Variants in CEP120 observed in about 807,000 individuals in gnomAD.
The protein encoded by CEP120 is centrosomal protein 120, also known as centrosomal protein of 120 kDa.
CEP120 carries 113 observed loss-of-function variants against 126.5 expected under a neutral mutation model. That is an observed-to-expected ratio of 0.89 (90% CI 0.77 to 1.04). The LOEUF (loss-of-function observed/expected upper bound fraction) is 1.04, where lower values mean the gene tolerates loss of function less well. Ranked by LOEUF, CEP120 falls within the 50% of genes least tolerant of loss-of-function variation. The pLI is 0.00. For synonymous variants in CEP120, 400 were observed against 394.3 expected (o/e 1.01, Z -0.17); for missense variants, 1,230 against 1,155.7 (o/e 1.06, Z -0.93).
At chr5:123,361,512 T>C (rs1770073865) in intron 18 of CEP120, among the ~76,000 whole-genome samples, 1 of 151,860 alleles carries the variant, frequency 6.6e-6, no homozygotes, top group Non-Finnish European at 1.5e-5. Context: ...CATTCCTTTA[T>C]ACTCAAACTT....
At chr5:123,347,071 T>C (rs573823075) in intron 19 of CEP120, among the ~76,000 whole-genome samples, 1 of 152,312 alleles carries the variant, frequency 6.6e-6, no homozygotes, top group Non-Finnish European at 1.5e-5. Flanking sequence ...GTGATCCCAA[T>C]TTGAGTAATA....
chr5:123,391,015 T>A, intron 7 of CEP120, 95 bp downstream of exon 7: 1 of 815,244 alleles, frequency 1.2e-6, no homozygotes, highest in South Asian at 1.8e-5. Flanking sequence ...AATAAATATA[T>A]CCTTATGAAG....
rs1338530147 is a variant in CEP120 at position 123,377,478 on chromosome 5, G to T, written c.2254C>A (p.Gln752Lys). 2.5e-6 allele frequency: 4 copies of T among 1,603,174 alleles called. No individual in the cohort carries two copies. The highest frequency in any genetic ancestry group is 3.4e-6 in the Non-Finnish European group (4 of 1,177,518). ...SERQRNLQELQDSIRRAKEDC... is the reference protein window; with the variant it reads ...SERQRNLQELKDSIRRAKEDC... ...TCTTTGGCCCTACGGATAGAGTCCT[G>T]CAGTTCTTGCAGGTTCCGCTGACGT... Residue 752 changes from glutamine (Q) to lysine (K), a missense_variant, in exon 16 of 20, where the codon CAG becomes AAG. Gln to Lys is a moderately conservative substitution (Grantham distance 53, BLOSUM62 1). Transcript: ENST00000306467.
chr5:123,360,997 TA>T (rs375984057), intron 18 of CEP120, among the ~76,000 whole-genome samples: 43 of 150,628 alleles, frequency 2.9e-4, no homozygotes, highest in African/African-American at 9.7e-4. Flanking sequence ...TACTTCTCAA[TA>T]AAAAACATGT....
At chr5:123,388,379 G>T in intron 9 of CEP120, 53 bp downstream of exon 9, 1 of 1,272,150 alleles carries the variant, frequency 7.9e-7, no homozygotes, top group South Asian at 1.9e-5. Flanking sequence ...CCCAAACACA[G>T]GAAAGTCCTT....
At chr5:123,375,580 C>G (rs929918804) in intron 16 of CEP120, among the ~76,000 whole-genome samples, 1 of 124,938 alleles carries the variant, frequency 8.0e-6, no homozygotes, top group Non-Finnish European at 1.8e-5. Context: ...ACCTCAGCCT[C>G]CGAAAGTGTT....
At position 123,418,429 on chromosome 5, in the gene CEP120, G is replaced by A. The variant is rs750619101; in HGVS notation, c.136C>T (p.His46Tyr). 1.2e-6 allele frequency: 2 copies of A among 1,612,960 alleles called. No homozygotes were observed. The highest frequency in any genetic ancestry group is 1.7e-5 in the Admixed American group (1 of 59,990). ...GEQLATDPVD[H>Y]TDQPEFATEL... ...GTAGCAAATTCTGGCTGGTCAGTGT[G>A]GTCCACAGGATCAGTAGCCAACTGT... The change falls in exon 2 of 20, where the codon CAC becomes TAC. Residue 46 changes from histidine to tyrosine, a missense_variant. By Grantham distance (83) the His-to-Tyr change is moderately conservative. Coordinates refer to ENST00000306467, the MANE Select transcript of CEP120 (RefSeq NM_001375405.1).
chr5:123,412,571 ATAGT>A, intron 3 of CEP120, 31 bp from the exon 4 acceptor site: 1 of 1,519,850 alleles, frequency 6.6e-7, no homozygotes, highest in Non-Finnish European at 8.9e-7. Flanking sequence ...AAAACACCTA[ATAGT>A]TAATAAGGGA....
chr5:123,397,962 T>C lies in CEP120; in HGVS notation c.612+1174A>G, dbSNP rs918365091. On this transcript the variant is annotated intron_variant, in intron 5 of 19. Transcript: ENST00000306467. Reference sequence around the variant, plus strand: ...AGGTGGGTGTGGTGGCACATGCCTATAATCCCAGCTACTCAGGAGGCTGAG... The same window carrying C: ...AGGTGGGTGTGGTGGCACATGCCTACAATCCCAGCTACTCAGGAGGCTGAG... Among the ~76,000 whole-genome samples, 38 of 152,142 alleles carry C rather than the reference T, an allele frequency of 2.5e-4. 1 individual carries two copies. Among genetic ancestry groups the C allele is most frequent in the Admixed American group, 7.9e-4 (12 of 15,270 alleles).
chr5:123,374,323 T>G (rs1054244039), intron 16 of CEP120, among the ~76,000 whole-genome samples: 1 of 152,062 alleles, frequency 6.6e-6, no homozygotes, highest in Non-Finnish European at 1.5e-5. Context: ...AAAACTAACT[T>G]CAGACCTTTT....
At chr5:123,349,744 G>A (rs959169710) in intron 19 of CEP120, among the ~76,000 whole-genome samples, 200 bp downstream of exon 19, 3 of 152,046 alleles carry the variant, frequency 2.0e-5, no homozygotes, top group Non-Finnish European at 4.4e-5. Flanking sequence ...GGGCTCAAAC[G>A]ATCCTCCCAC....
At chr5:123,368,729 A>G (rs182016818) in intron 17 of CEP120, among the ~76,000 whole-genome samples, 2 of 151,998 alleles carry the variant, frequency 1.3e-5, no homozygotes, top group Admixed American at 1.3e-4. Context: ...TTTCCATAAT[A>G]TCAAAAGATT....
At chr5:123,364,672 G>A in intron 17 of CEP120, 78 bp from the exon 18 acceptor site, 1 of 757,376 alleles carries the variant, frequency 1.3e-6, no homozygotes, top group Admixed American at 2.8e-5. Flanking sequence ...TATACAAAGA[G>A]TCTGGCTTAA....
chr5:123,422,400 C>A, intron 1 of CEP120: 1 of 1,010,290 alleles, frequency 9.9e-7, no homozygotes, highest in South Asian at 1.4e-5. Flanking sequence ...TTCATTCTTA[C>A]ATTCCCAGCA....
chr5:123,400,366 G>A (rs894989370), intron 4 of CEP120, among the ~76,000 whole-genome samples: 4 of 151,880 alleles, frequency 2.6e-5, no homozygotes, highest in Non-Finnish European at 4.4e-5. Context: ...ATTTAGCACA[G>A]ACTCTGACCC....
intron 7 of CEP120, chr5:123,390,393 A>G (rs1772315213): frequency 1.8e-6 from 1 of 552,828 alleles, no homozygotes; most frequent in Non-Finnish European, 3.4e-6. Context: ...ATATTTGAGA[A>G]AAGAAGTCAG....
Position 123,350,632 on chromosome 5 carries a change from C to A in CEP120, c.2581-543G>T, listed in dbSNP as rs572573689. Among the ~76,000 whole-genome samples, 22 of 152,264 alleles carry A rather than the reference C, an allele frequency of 1.4e-4. No individual in the cohort carries two copies. The South Asian group carries it at 3.3e-3, about 23-fold the overall frequency. ...GAGAAAAACATTATACAAAGATGTA[C>A]CTAGAAAAATTCAATAACTGTCCCT... On this transcript the variant is annotated intron_variant, in intron 18 of 19. Coordinates refer to ENST00000306467, the MANE Select transcript of CEP120 (RefSeq NM_001375405.1).
At chr5:123,394,843 A>T (rs1445269932) in intron 5 of CEP120, among the ~76,000 whole-genome samples, 1 of 152,238 alleles carries the variant, frequency 6.6e-6, no homozygotes, top group Non-Finnish European at 1.5e-5. Flanking sequence ...GTCAGATCCC[A>T]AACCCTAACT....
At chr5:123,415,197 G>GC (rs1027325529) in intron 3 of CEP120, among the ~76,000 whole-genome samples, 2 of 152,058 alleles carry the variant, frequency 1.3e-5, no homozygotes, top group Non-Finnish European at 2.9e-5. Context: ...TATTATGATA[G>GC]CCAAGGTAAG....
Sources: gnomAD v4.1 joint callset for allele counts (sites outside exome capture counted in the v4.1 genomes callset) on GRCh38, gnomAD v4.1.1 for gene constraint, MANE v1.5 for transcripts, NCBI Gene and HGNC (gene_info 2026-07-23, HGNC 2026-07-21) for gene names.